The following SCRG1 variants were observed in gnomAD, a reference collection of about 807,000 sequenced individuals.
SCRG1 encodes scrapie-responsive protein 1.
A neutral mutation model predicts 7.7 loss-of-function variants in SCRG1; 3 were observed. The observed-to-expected ratio is 0.39, with a 90% confidence interval of 0.18 to 1.01. The LOEUF (loss-of-function observed/expected upper bound fraction) is 1.01, where lower values mean the gene tolerates loss of function less well. Among genes scored for constraint, SCRG1 ranks in the 50% least tolerant of loss-of-function variants. The pLI is 0.36. For synonymous variants in SCRG1, 46 were observed against 41.2 expected (o/e 1.12, Z -0.44); for missense variants, 110 against 117.2 (o/e 0.94, Z 0.28).
the SCRG1 span, among the ~76,000 whole-genome samples, chr4:173,413,115 CA>C: frequency 2.1e-3 from 279 of 135,176 alleles, no homozygotes; most frequent in Admixed American, 4.0e-3. Context: ...GTTGCATTTC[CA>C]AAAAAAAAAA....
chr4:173,404,774 C>T (rs1739859164), intron 1 of SCRG1, among the ~76,000 whole-genome samples: 1 of 152,208 alleles, frequency 6.6e-6, no homozygotes, highest in Non-Finnish European at 1.5e-5. Context: ...TGTAAACCCT[C>T]AGTCTTCTCC....
upstream of SCRG1, chr4:173,406,468 C>T (rs1033440199): frequency 1.3e-5 from 2 of 152,154 alleles, no homozygotes; most frequent in Admixed American, 1.3e-4. Context: ...GTCCAACCTC[C>T]TAAATAATTG....
upstream of SCRG1, among the ~76,000 whole-genome samples, chr4:173,409,239 A>G (rs1382761725): frequency 6.6e-6 from 1 of 152,130 alleles, no homozygotes; most frequent in Non-Finnish European, 1.5e-5. Flanking sequence ...AGCAAGTCAC[A>G]TGTTATGATA....
upstream of SCRG1, among the ~76,000 whole-genome samples, chr4:173,409,339 A>T (rs76553900): frequency 8.7e-4 from 133 of 152,134 alleles, no homozygotes; most frequent in Non-Finnish European, 1.6e-3. Context: ...CATACCCCTT[A>T]CCTGTGTGAC....
At chr4:173,473,381 C>A in the SCRG1 span, among the ~76,000 whole-genome samples, 1 of 152,178 alleles carries the variant, frequency 6.6e-6, no homozygotes, top group Non-Finnish European at 1.5e-5. Context: ...ACGAATAGCT[C>A]TCTATCATTT....
At chr4:173,486,070 C>A in the SCRG1 span, among the ~76,000 whole-genome samples, 11 of 152,180 alleles carry the variant, frequency 7.2e-5, no homozygotes, top group African/African-American at 2.7e-4. Context: ...ATTCAAACTG[C>A]ATTTTAAAGT....
intron 1 of SCRG1, among the ~76,000 whole-genome samples, 197 bp downstream of exon 1, chr4:173,398,871 G>A (rs1739675842): frequency 2.0e-5 from 3 of 152,036 alleles, no homozygotes; most frequent in South Asian, 2.1e-4. Context: ...TACATTTTCT[G>A]TTCTTTTTTA....
chr4:173,414,178 C>A, the SCRG1 span, among the ~76,000 whole-genome samples: 1 of 152,314 alleles, frequency 6.6e-6, no homozygotes, highest in Non-Finnish European at 1.5e-5. Flanking sequence ...CCCCGGAACA[C>A]TTTGGCCACT....
At chr4:173,484,352 T>C in the SCRG1 span, among the ~76,000 whole-genome samples, 6 of 64,424 alleles carry the variant, frequency 9.3e-5, no homozygotes, top group East Asian at 2.6e-3. Context: ...TTATATAATA[T>C]ATAATATATA....
the SCRG1 span, among the ~76,000 whole-genome samples, chr4:173,484,190 A>G: frequency 1.2e-5 from 1 of 84,166 alleles, no homozygotes; most frequent in South Asian, 4.0e-4. Flanking sequence ...TATATTTTCT[A>G]TATTATATAT....
At chr4:173,465,781 G>A in the SCRG1 span, among the ~76,000 whole-genome samples, 4 of 151,406 alleles carry the variant, frequency 2.6e-5, no homozygotes, top group Non-Finnish European at 4.4e-5. Context: ...TCCTCCCTCC[G>A]CTTCCCCCTT....
At chr4:173,475,861 C>CACTT in the SCRG1 span, among the ~76,000 whole-genome samples, 16 of 152,004 alleles carry the variant, frequency 1.1e-4, no homozygotes, top group East Asian at 2.1e-3. Context: ...TATGTAACTC[C>CACTT]ACTTATAGGA....
the SCRG1 span, among the ~76,000 whole-genome samples, chr4:173,438,121 T>G: frequency 6.6e-6 from 1 of 151,972 alleles, no homozygotes; most frequent in African/African-American, 2.4e-5. Context: ...ATTAATTAAT[T>G]TATTTATTTT....
At chr4:173,447,613 C>G in the SCRG1 span, among the ~76,000 whole-genome samples, 1 of 152,176 alleles carries the variant, frequency 6.6e-6, no homozygotes, top group Non-Finnish European at 1.5e-5. Flanking sequence ...TTGTGCATAT[C>G]AAAGAAGAAT....
At chr4:173,454,129 C>T in the SCRG1 span, among the ~76,000 whole-genome samples, 2 of 150,054 alleles carry the variant, frequency 1.3e-5, no homozygotes, top group African/African-American at 4.9e-5. Flanking sequence ...TCTAGGAAGG[C>T]AGCTGGGCCA....
the SCRG1 span, among the ~76,000 whole-genome samples, chr4:173,484,395 TTATATATTATATAC>T: frequency 1.4e-5 from 1 of 70,946 alleles, no homozygotes; most frequent in African/African-American, 6.3e-5. Context: ...ATTTTATACA[TTATATATTATATAC>T]ATATAATATA....
chr4:173,459,763 G>C, the SCRG1 span, among the ~76,000 whole-genome samples: 1 of 152,192 alleles, frequency 6.6e-6, no homozygotes, highest in Non-Finnish European at 1.5e-5. Flanking sequence ...AGGGGGTTAG[G>C]AGGTTGTAAA....
At chr4:173,501,456 C>G in the SCRG1 span, among the ~76,000 whole-genome samples, 1 of 152,214 alleles carries the variant, frequency 6.6e-6, no homozygotes, top group African/African-American at 2.4e-5. This position sits in a 1 kb window ranked among gnomAD's most constrained non-coding sequence, Gnocchi z 5.1. Flanking sequence ...CCTCAGCCTT[C>G]CCAGTGCGCC....
At chr4:173,497,959 C>T in the SCRG1 span, among the ~76,000 whole-genome samples, 14 of 152,288 alleles carry the variant, frequency 9.2e-5, no homozygotes, top group South Asian at 6.2e-4. Context: ...GGATTACAGG[C>T]GTGAACCACT....
Sources: allele counts gnomAD v4.1 joint callset (sites outside exome capture counted in the v4.1 genomes callset), GRCh38; gene constraint gnomAD v4.1.1; non-coding constraint Gnocchi (gnomAD v3.1); transcripts MANE v1.5; gene names NCBI Gene and HGNC (gene_info 2026-07-23, HGNC 2026-07-21).